Variants in IMMP2L observed in about 807,000 individuals in gnomAD.
IMMP2L encodes the protein inner mitochondrial membrane peptidase subunit 2, also known as mitochondrial inner membrane protease subunit 2.
IMMP2L carries 18 observed loss-of-function variants against 19.3 expected under a neutral mutation model. The ratio of observed to expected loss-of-function variants is 0.93; its 90% CI spans 0.64 to 1.38. The LOEUF is 1.38. IMMP2L is among the 40% of genes most tolerant of loss of function. The probability of loss-of-function intolerance (pLI) is 0.00; values close to 1 mark genes in which losing one functional copy is unlikely to be tolerated. For synonymous variants in IMMP2L, 76 were observed against 73.0 expected, an observed-to-expected ratio of 1.04 and a Z score of -0.21; for missense variants, 233 against 218.2, an observed-to-expected ratio of 1.07 and a Z score of -0.43.
intron 2 of IMMP2L, among the ~76,000 whole-genome samples, chr7:111,499,427 G>A (rs904033143): frequency 1.3e-5 from 2 of 152,068 alleles, no homozygotes; most frequent in South Asian, 2.1e-4. Context: ...CTCCTCAGAT[G>A]TTTGCAATAG....
At chr7:110,766,313 G>A (rs952632201) in intron 5 of IMMP2L, among the ~76,000 whole-genome samples, 3 of 152,010 alleles carry the variant, frequency 2.0e-5, no homozygotes, top group Admixed American at 6.6e-5. Context: ...AAATGTGGCC[G>A]GGCGCAGTGG....
At chr7:110,974,633 T>C (rs987493345) in intron 3 of IMMP2L, among the ~76,000 whole-genome samples, 2 of 152,102 alleles carry the variant, frequency 1.3e-5, no homozygotes, top group Admixed American at 6.6e-5. Flanking sequence ...CTGTTTGCCT[T>C]GCTTTTTCCA....
Position 110,672,118 on chromosome 7 carries a change from T to C in IMMP2L, c.409-8397A>G, listed in dbSNP as rs545057167. Among the ~76,000 whole-genome samples, 91 of 152,150 alleles carry C rather than the reference T, an allele frequency of 6.0e-4. 3 individuals are homozygous for C. In the South Asian group the frequency reaches 0.019, roughly 32 times the overall value. On this transcript the variant is annotated intron_variant, in intron 5 of 5. Coordinates refer to ENST00000405709, the MANE Select transcript of IMMP2L (RefSeq NM_032549.4). ...GACATACCCAAGACTGGGTAATTTA[T>C]AAAAGAAAGAGGTTTAATTGACTCA...
intron 3 of IMMP2L, among the ~76,000 whole-genome samples, chr7:111,294,657 T>C (rs749298530): frequency 1.3e-5 from 2 of 151,808 alleles, no homozygotes; most frequent in Non-Finnish European, 2.9e-5. Flanking sequence ...TTTCCAGTGT[T>C]GATACCAAAA....
intron 3 of IMMP2L, among the ~76,000 whole-genome samples, chr7:111,429,614 T>C (rs1836430182): frequency 6.6e-6 from 1 of 151,684 alleles, no homozygotes; most frequent in African/African-American, 2.4e-5. Context: ...CCTTTCACAA[T>C]AGCACAGAAG....
intron 2 of IMMP2L, among the ~76,000 whole-genome samples, chr7:111,490,097 CTTT>C (rs80065502): frequency 3.9e-5 from 5 of 127,818 alleles, no homozygotes; most frequent in East Asian, 2.2e-4. Context: ...CGCCTGCCCT[CTTT>C]TTTTTTTTTT....
intron 5 of IMMP2L, among the ~76,000 whole-genome samples, chr7:110,695,532 G>A (rs1340905854): frequency 6.6e-6 from 1 of 151,974 alleles, no homozygotes; most frequent in African/African-American, 2.4e-5. Context: ...TATGTTATTT[G>A]AATTTCCCCT....
At chr7:110,944,539 T>A (rs538542107) in intron 4 of IMMP2L, among the ~76,000 whole-genome samples, 3 of 149,836 alleles carry the variant, frequency 2.0e-5, no homozygotes, top group Admixed American at 6.7e-5. Flanking sequence ...GTAGGCAGGG[T>A]CCTGAGGATT....
intron 5 of IMMP2L, among the ~76,000 whole-genome samples, chr7:110,864,084 T>C (rs1807734119): frequency 6.6e-6 from 1 of 152,138 alleles, no homozygotes; most frequent in Admixed American, 6.6e-5. Flanking sequence ...TGTTAGTTAA[T>C]AATATAGCTA....
chr7:111,499,004 C>G (rs146302815), intron 2 of IMMP2L, among the ~76,000 whole-genome samples: 155 of 152,202 alleles, frequency 1.0e-3, no homozygotes, highest in African/African-American at 3.5e-3. Context: ...TGCTACAAAA[C>G]AAACCACTCC....
At chr7:111,317,411 T>C (rs1364583725) in intron 3 of IMMP2L, among the ~76,000 whole-genome samples, 1 of 152,096 alleles carries the variant, frequency 6.6e-6, no homozygotes, top group Non-Finnish European at 1.5e-5. Flanking sequence ...AATGCAAGAT[T>C]TATATATTAA....
chr7:110,856,330 G>A lies in IMMP2L; in HGVS notation c.408+30263C>T, dbSNP rs527261984. ...AAAGTCCTCAGCTAAAGGCATATAT[G>A]GATTACCACACGTTGTAAGTATACT... On this transcript the variant is annotated intron_variant, in intron 5 of 5. Transcript: ENST00000405709. Among the ~76,000 whole-genome samples, 10 of 151,984 alleles carry A rather than the reference G, an allele frequency of 6.6e-5. No homozygotes were observed. The South Asian group carries it at 2.1e-3, about 31-fold the overall frequency.
intron 5 of IMMP2L, among the ~76,000 whole-genome samples, chr7:110,752,232 T>C (rs939451569): frequency 1.3e-5 from 2 of 152,010 alleles, no homozygotes; most frequent in Non-Finnish European, 2.9e-5. Context: ...TCTCTTCTGG[T>C]TCAGTCTTAT....
At chr7:111,107,181 C>G (rs78464832) in intron 3 of IMMP2L, among the ~76,000 whole-genome samples, 1 of 131,892 alleles carries the variant, frequency 7.6e-6, no homozygotes. Flanking sequence ...CTTTCCCTCT[C>G]TCTCCTTCCC....
At position 110,689,841 on chromosome 7, in the gene IMMP2L, T is replaced by C. The variant is rs182074368; in HGVS notation, c.409-26120A>G. Among the ~76,000 whole-genome samples, 40 of 152,288 alleles carry C rather than the reference T, an allele frequency of 2.6e-4. No homozygotes were observed. The East Asian group carries it at 7.3e-3, about 28-fold the overall frequency. ...TTTCAACATAGCAGATTTGTACTTA[T>C]TTTTGCCAGGTAACAGGAGTTTCTC... On this transcript the variant is annotated intron_variant, in intron 5 of 5. Coordinates refer to ENST00000405709, the MANE Select transcript of IMMP2L (RefSeq NM_032549.4).
At chr7:111,109,036 T>C (rs1798873530) in intron 3 of IMMP2L, among the ~76,000 whole-genome samples, 1 of 152,144 alleles carries the variant, frequency 6.6e-6, no homozygotes, top group Non-Finnish European at 1.5e-5. Context: ...AAGCAAATAA[T>C]TTCTAGCAGT....
chr7:110,873,057 C>G (rs900457433), intron 5 of IMMP2L, among the ~76,000 whole-genome samples: 1 of 152,186 alleles, frequency 6.6e-6, no homozygotes, highest in Non-Finnish European at 1.5e-5. Context: ...AATAATTTCT[C>G]TCTCTGCTAG....
intron 4 of IMMP2L, among the ~76,000 whole-genome samples, chr7:110,959,114 A>G (rs1000135936): frequency 2.1e-4 from 32 of 152,010 alleles, no homozygotes; most frequent in Admixed American, 2.0e-3. Context: ...CAAGGGGTCT[A>G]ACCTCAAATA....
At position 111,510,324 on chromosome 7, in the gene IMMP2L, T is replaced by C. The variant is rs374152001; in HGVS notation, c.135+10989A>G. On this transcript the variant is annotated intron_variant, in intron 2 of 5. Coordinates refer to ENST00000405709, the MANE Select transcript of IMMP2L (RefSeq NM_032549.4). ...TTTTTTCGAGCTTGTACATCTACCA[T>C]CCCCTGCGGCATCGTGTCCTCAACT... Among the ~76,000 whole-genome samples the C allele has an allele frequency of 1.2e-3, 184 of 152,198 alleles. 2 individuals carry two copies. Among genetic ancestry groups the C allele is most frequent in the African/African-American group, 4.1e-3 (171 of 41,534 alleles).
Sources: gnomAD v4.1 joint callset for allele counts (sites outside exome capture counted in the v4.1 genomes callset) on GRCh38, gnomAD v4.1.1 for gene constraint, MANE v1.5 for transcripts, NCBI Gene and HGNC (gene_info 2026-07-23, HGNC 2026-07-21) for gene names.